The following RNF168 variants were observed in gnomAD, a reference collection of about 807,000 sequenced individuals.
RNF168 encodes ring finger protein 168, also known as E3 ubiquitin-protein ligase RNF168.
Under a neutral mutation model 34.9 loss-of-function variants are expected in RNF168, and 34 were observed. That is an observed-to-expected ratio of 0.97 (90% CI 0.74 to 1.30). The LOEUF is 1.30. Ranked by LOEUF, RNF168 falls within the 50% of genes most tolerant of loss-of-function variation. The pLI, the probability that RNF168 is intolerant of heterozygous loss-of-function variation, is 0.00. For missense variants in RNF168, 725 were observed against 682.5 expected (o/e 1.06, Z -0.69); for synonymous variants, 264 against 254.7 (o/e 1.04, Z -0.35).
rs1273952712 is a variant in RNF168 at position 196,472,699 on chromosome 3, G to A, written c.836C>T (p.Pro279Leu). Reference protein sequence around the residue: ...TEIEDMPTLSPQISLGVGEQG... With the variant: ...TEIEDMPTLSLQISLGVGEQG... Reference sequence around the variant, plus strand: ...TTCTCCAACTCCAAGGGATATCTGTGGAGAAAGTGTCGGCATATCTTCTAT... The same window carrying A: ...TTCTCCAACTCCAAGGGATATCTGTAGAGAAAGTGTCGGCATATCTTCTAT... Residue 279 changes from proline to leucine, a missense_variant, in exon 6 of 6, where the codon CCA becomes CTA. Coordinates refer to ENST00000318037, the MANE Select transcript of RNF168 (RefSeq NM_152617.4). 6.2e-7 allele frequency: 1 copy of A among 1,606,918 alleles called. No individual in the cohort carries two copies. The highest frequency in any genetic ancestry group is 1.3e-5 in the African/African-American group (1 of 74,820).
At chr3:196,480,860 G>A (rs543533154) in intron 4 of RNF168, among the ~76,000 whole-genome samples, 5 of 151,998 alleles carry the variant, frequency 3.3e-5, no homozygotes, top group Non-Finnish European at 7.4e-5. Flanking sequence ...GCTCGGGCTC[G>A]TCTTGAACTC....
At chr3:196,502,664 G>A (rs1332387024) in intron 1 of RNF168, among the ~76,000 whole-genome samples, 1 of 151,730 alleles carries the variant, frequency 6.6e-6, no homozygotes, top group Non-Finnish European at 1.5e-5. Flanking sequence ...AACACAGCGC[G>A]GGCATTTTGA....
At position 196,488,616 on chromosome 3, in the gene RNF168, TTCC is replaced by T. The variant is rs771651426; in HGVS notation, c.366_368del (p.Glu123del). ...ACTATTTAGCACCTACCTTGCTTAT[TTCC>T]TCTTCATATTCTCTTCTCAGTTCCC... On this transcript the variant is annotated inframe_deletion, in exon 2 of 6. Transcript: ENST00000318037. 23 of 1,595,392 alleles carry T rather than the reference TTCC, an allele frequency of 1.4e-5. No individual in the cohort carries two copies. Among genetic ancestry groups the T allele is most frequent in the Non-Finnish European group, 2.0e-5 (23 of 1,163,308 alleles).
chr3:196,475,494 T>A, intron 4 of RNF168, 182 bp from the exon 5 acceptor site: 2 of 590,134 alleles, frequency 3.4e-6, no homozygotes, highest in Non-Finnish European at 6.0e-6. Context: ...AATGATTGAG[T>A]ATTGATATTT....
intron 4 of RNF168, among the ~76,000 whole-genome samples, chr3:196,476,413 C>T: frequency 7.6e-6 from 1 of 131,868 alleles, no homozygotes; most frequent in South Asian, 2.2e-4. Flanking sequence ...TATATCAACT[C>T]TCTTCTTTTT....
intron 2 of RNF168, 55 bp from the exon 3 acceptor site, chr3:196,487,633 A>T: frequency 6.8e-7 from 1 of 1,474,988 alleles, no homozygotes. Flanking sequence ...GTATACTTGC[A>T]ATATTTCATA....
chr3:196,474,697 C>T, intron 5 of RNF168: 1 of 157,064 alleles, frequency 6.4e-6, no homozygotes, highest in Non-Finnish European at 1.4e-5. Flanking sequence ...ATCCACCTGC[C>T]TCAGTCTCCC....
rs190146363 is a variant in RNF168, at chr3:196,474,629, G to C, written c.762+602C>G. On this transcript the variant is annotated intron_variant, in intron 5 of 5. Transcript: ENST00000318037. ...CACCCGGCTAATTTTGTATTTTTTT[G>C]TAGAGATGGGGTTTCTCCATGTTGG... 6.7e-3 allele frequency among the ~76,000 whole-genome samples: 1,015 copies of C among 151,850 alleles called. 16 individuals carry two copies. The highest frequency in any genetic ancestry group is 0.024 in the Middle Eastern group (7 of 294).
chr3:196,499,621 G>GAC (rs1384921540), intron 1 of RNF168, among the ~76,000 whole-genome samples: 5 of 152,104 alleles, frequency 3.3e-5, no homozygotes, highest in Admixed American at 2.0e-4. Flanking sequence ...AAGAGATTGA[G>GAC]ACCATCCTGA....
Position 196,471,856 on chromosome 3 carries a change from T to C in RNF168, c.1679A>G (p.Lys560Arg), listed in dbSNP as rs1450504413. The stretch of plus-strand genomic sequence containing the variant: ...TCTCTGAAACATCTGAAAAACACTT[T>C]TCTGTGAAATGCTAGGCTGTAGGGA... ...AHSLQPSISQ[K>R]SVFQMFQRCT... The change falls in exon 6 of 6, where the codon AAA becomes AGA. Residue 560 changes from lysine (K) to arginine (R), a missense_variant. Coordinates refer to ENST00000318037, the MANE Select transcript of RNF168 (RefSeq NM_152617.4). The C allele has an allele frequency of 2.5e-6, 4 of 1,613,890 alleles. No homozygotes were observed. In the African/African-American group the frequency reaches 4.0e-5, roughly 16 times the overall value.
intron 1 of RNF168, among the ~76,000 whole-genome samples, chr3:196,497,334 C>A (rs1287789890): frequency 6.6e-6 from 1 of 152,068 alleles, no homozygotes; most frequent in East Asian, 1.9e-4. Context: ...CTAACTTATA[C>A]AATATTCAAA....
rs986529051 is a variant in RNF168, at chr3:196,503,556, G to C, written c.-383C>G. On this transcript the variant is annotated 5_prime_UTR_variant, in exon 1 of 6. Coordinates refer to ENST00000318037, the MANE Select transcript of RNF168 (RefSeq NM_152617.4). The stretch of plus-strand genomic sequence containing the variant: ...CCGGAAAGGATGCTCCGCTCAGCTC[G>C]GGGCAGCCGGGCCCCGGGACGCGGC... 2.7e-5 allele frequency: 7 copies of C among 259,168 alleles called. No individual in the cohort carries two copies. The highest frequency in any genetic ancestry group is 4.6e-5 in the Non-Finnish European group (6 of 130,046). 16.1% of individuals were successfully genotyped at this position (259,168 alleles called of 1,614,324 possible). A position where few individuals can be genotyped will look rare whatever the true frequency, so the allele number is the denominator to read the frequency against.
At chr3:196,493,400 G>A (rs1052083279) in intron 1 of RNF168, among the ~76,000 whole-genome samples, 1 of 152,154 alleles carries the variant, frequency 6.6e-6, no homozygotes, top group African/African-American at 2.4e-5. Context: ...TCTTGCCCAG[G>A]CTGGAGTTCA....
chr3:196,485,082 G>A lies in RNF168; in HGVS notation c.559-1191C>T, dbSNP rs143223539. Among the ~76,000 whole-genome samples the A allele has an allele frequency of 7.4e-3, 1,121 of 152,232 alleles. 18 individuals are homozygous for A. Among genetic ancestry groups the A allele is most frequent in the African/African-American group, 0.025 (1,054 of 41,526 alleles). ...TATTTTAGTTCTGGACTTTAAGGGC[G>A]TATTAATAAAAATCACAAATATTTA... On this transcript the variant is annotated intron_variant, in intron 3 of 5. Transcript: ENST00000318037.
intron 3 of RNF168, among the ~76,000 whole-genome samples, chr3:196,484,706 T>C (rs1191543190): frequency 6.6e-6 from 1 of 152,080 alleles, no homozygotes; most frequent in Non-Finnish European, 1.5e-5. Flanking sequence ...CAGGCTGGAC[T>C]GCAGTGGAGT....
rs148916079 is a variant in RNF168 at position 196,501,265 on chromosome 3, A to T, written c.301+1608T>A. Among the ~76,000 whole-genome samples the T allele has an allele frequency of 5.3e-5, 8 of 152,360 alleles. No homozygotes were observed. The East Asian group carries it at 1.5e-3, about 29-fold the overall frequency. Reference sequence around the variant, plus strand: ...GAACTGAACACAGGTATTCAAACACATACTGGTACATAAATGTTCGTATCG... The same window carrying T: ...GAACTGAACACAGGTATTCAAACACTTACTGGTACATAAATGTTCGTATCG... On this transcript the variant is annotated intron_variant, in intron 1 of 5. Coordinates refer to ENST00000318037, the MANE Select transcript of RNF168 (RefSeq NM_152617.4).
At chr3:196,483,237 C>A (rs547522366) in intron 4 of RNF168, among the ~76,000 whole-genome samples, 1 of 152,048 alleles carries the variant, frequency 6.6e-6, no homozygotes, top group African/African-American at 2.4e-5. Context: ...ACCAGAAGTC[C>A]TTATGTATTT....
At chr3:196,500,292 A>G (rs776606249) in intron 1 of RNF168, among the ~76,000 whole-genome samples, 5 of 152,252 alleles carry the variant, frequency 3.3e-5, no homozygotes, top group Non-Finnish European at 7.3e-5. Flanking sequence ...CTTTTAATGT[A>G]GCATATACAT....
At chr3:196,490,667 G>T (rs73072943) in intron 1 of RNF168, among the ~76,000 whole-genome samples, 16,283 of 151,904 alleles carry the variant, frequency 0.11, 2,681 homozygotes, top group African/African-American at 0.35. Context: ...AACTTAAATA[G>T]TGGCATTGGA....
Sources: gnomAD v4.1 joint callset for allele counts (sites outside exome capture counted in the v4.1 genomes callset) on GRCh38, gnomAD v4.1.1 for gene constraint, MANE v1.5 for transcripts, NCBI Gene and HGNC (gene_info 2026-07-23, HGNC 2026-07-21) for gene names.